The following BTBD7 variants were observed in gnomAD, a reference collection of about 807,000 sequenced individuals.
BTBD7 encodes BTB domain containing 7, also known as BTB/POZ domain-containing protein 7.
BTBD7 carries 38 observed loss-of-function variants against 99.9 expected under a neutral mutation model. That is an observed-to-expected ratio of 0.38 (90% CI 0.29 to 0.50). BTBD7 has a LOEUF of 0.50. Among genes scored for constraint, BTBD7 ranks in the 20% least tolerant of loss-of-function variants. BTBD7 has a pLI of 0.93. For missense variants in BTBD7, 1,170 were observed against 1,394.6 expected (o/e 0.84, Z 2.57); for synonymous variants, 520 against 511.4 (o/e 1.02, Z -0.23).
chr14:93,282,673 C>CTT (rs1457573723), intron 3 of BTBD7, among the ~76,000 whole-genome samples: 1 of 152,082 alleles, frequency 6.6e-6, no homozygotes, highest in Non-Finnish European at 1.5e-5. Flanking sequence ...TATCTCAACT[C>CTT]TGAGTTTGAA....
intron 1 of BTBD7, among the ~76,000 whole-genome samples, chr14:93,318,899 C>T (rs922362821): frequency 2.4e-4 from 36 of 152,278 alleles, no homozygotes; most frequent in Non-Finnish European, 4.3e-4. Flanking sequence ...TTAAAGAGTG[C>T]CTGGCTCATA....
At chr14:93,288,774 G>C in intron 3 of BTBD7, 1 of 1,582,690 alleles carries the variant, frequency 6.3e-7, no homozygotes, top group Non-Finnish European at 8.6e-7. Context: ...TTTCACTGTG[G>C]AAACCCAAAA....
At chr14:93,331,168 T>G (rs2053398060) in intron 1 of BTBD7, among the ~76,000 whole-genome samples, 1 of 152,212 alleles carries the variant, frequency 6.6e-6, no homozygotes, top group Admixed American at 6.5e-5. Flanking sequence ...GGCTCTCATT[T>G]TCGCTTTCAA....
chr14:93,253,680 A>G lies in BTBD7; in HGVS notation c.1719T>C (p.Pro573=). 6.2e-7 allele frequency: 1 copy of G among 1,611,992 alleles called. No individual in the cohort carries two copies. Among genetic ancestry groups the G allele is most frequent in the Non-Finnish European group, 8.5e-7 (1 of 1,178,378 alleles). The change falls in exon 7 of 11, where the codon CCT becomes CCC. Residue 573 remains proline, a synonymous_variant. Coordinates refer to ENST00000334746, the MANE Select transcript of BTBD7 (RefSeq NM_001002860.4). Reference sequence around the variant, plus strand: ...CTTCCACATAGGGAGAGAAGAGTCGAGGACGAACATAGATGCCAGCATTTT... The same window carrying G: ...CTTCCACATAGGGAGAGAAGAGTCGGGGACGAACATAGATGCCAGCATTTT... ...RQKNAGIYVR[P]RLFSPYVEEA...
chr14:93,303,509 C>G (rs568346241), intron 1 of BTBD7, among the ~76,000 whole-genome samples: 196 of 152,076 alleles, frequency 1.3e-3, no homozygotes, highest in African/African-American at 4.4e-3. Context: ...GAAACAGGAG[C>G]CTATCAAAAG....
intron 3 of BTBD7, among the ~76,000 whole-genome samples, chr14:93,267,693 C>T (rs2052556694): frequency 6.6e-6 from 1 of 152,218 alleles, no homozygotes; most frequent in Non-Finnish European, 1.5e-5. Flanking sequence ...TCACCAAAGG[C>T]AGAGATCTCA....
intron 3 of BTBD7, among the ~76,000 whole-genome samples, chr14:93,274,724 C>T (rs149766167): frequency 6.6e-6 from 1 of 152,286 alleles, no homozygotes; most frequent in African/African-American, 2.4e-5. Context: ...GCTTGCAAGT[C>T]CTTATACGAG....
chr14:93,318,268 G>A (rs1439674299), intron 1 of BTBD7, among the ~76,000 whole-genome samples: 1 of 152,102 alleles, frequency 6.6e-6, no homozygotes, highest in Non-Finnish European at 1.5e-5. Flanking sequence ...AAATCTGCAA[G>A]GAAATTACCA....
At position 93,257,188 on chromosome 14, in the gene BTBD7, C is replaced by T. The variant is rs1383716353; in HGVS notation, c.1608+7G>A. 3.1e-6 allele frequency: 5 copies of T among 1,609,490 alleles called. No individual in the cohort carries two copies. The highest frequency in any genetic ancestry group is 1.3e-5 in the African/African-American group (1 of 74,728). ...CATGAAAGGAATACATGGAGAAAAA[C>T]ACTTACTGCATCACTTAAGACTTCA... On this transcript the variant is annotated splice_region_variant and intron_variant, in intron 6 of 10. Coordinates refer to ENST00000334746, the MANE Select transcript of BTBD7 (RefSeq NM_001002860.4).
At chr14:93,301,146 G>A (rs964118440) in intron 1 of BTBD7, among the ~76,000 whole-genome samples, 1 of 151,930 alleles carries the variant, frequency 6.6e-6, no homozygotes, top group African/African-American at 2.4e-5. Flanking sequence ...CTTGAGGCCA[G>A]GAGTTAGAGA....
intron 1 of BTBD7, among the ~76,000 whole-genome samples, chr14:93,302,010 A>ATTTTTAAT (rs1393257774): frequency 6.6e-6 from 1 of 152,194 alleles, no homozygotes; most frequent in African/African-American, 2.4e-5. Flanking sequence ...GGCTGGGCAA[A>ATTTTTAAT]GCATGTGAGG....
At chr14:93,328,166 G>A (rs2053355083) in intron 1 of BTBD7, among the ~76,000 whole-genome samples, 2 of 152,152 alleles carry the variant, frequency 1.3e-5, no homozygotes, top group Admixed American at 1.3e-4. Flanking sequence ...CTGGAAGACA[G>A]TATTTAGATG....
intron 1 of BTBD7, among the ~76,000 whole-genome samples, chr14:93,330,377 T>C (rs1291735038): frequency 6.6e-6 from 1 of 152,140 alleles, no homozygotes; most frequent in East Asian, 1.9e-4. Flanking sequence ...ACTCTTGCTT[T>C]TTCCTCACAA....
chr14:93,293,236 C>T (rs1014477621), intron 3 of BTBD7, among the ~76,000 whole-genome samples: 5 of 152,112 alleles, frequency 3.3e-5, no homozygotes, highest in Non-Finnish European at 7.4e-5. Flanking sequence ...ACACAAAAAA[C>T]GTGCCGTCCT....
chr14:93,323,397 C>CA (rs2053291863), intron 1 of BTBD7, among the ~76,000 whole-genome samples: 1 of 152,156 alleles, frequency 6.6e-6, no homozygotes, highest in African/African-American at 2.4e-5. Flanking sequence ...AAGCATGTGA[C>CA]AGAACTATGA....
intron 3 of BTBD7, among the ~76,000 whole-genome samples, chr14:93,276,450 T>G (rs539230868): frequency 6.6e-6 from 1 of 152,280 alleles, no homozygotes; most frequent in South Asian, 2.1e-4. Context: ...TGGGGGACTC[T>G]TTACAGAATA....
intron 6 of BTBD7, chr14:93,256,403 G>A (rs2139693886): frequency 6.6e-6 from 1 of 151,474 alleles, no homozygotes; most frequent in South Asian, 2.1e-4. Context: ...TCCCATCCAT[G>A]AATTCAAGCA....
At chr14:93,280,685 G>C (rs538038298) in intron 3 of BTBD7, among the ~76,000 whole-genome samples, 1 of 152,208 alleles carries the variant, frequency 6.6e-6, no homozygotes, top group South Asian at 2.1e-4. Context: ...ATTTAGTAAG[G>C]CCAGCCCATG....
In BTBD7 at chr14:93,251,581, C is replaced by A; in HGVS notation, c.1824G>T (p.Val608=). 6.2e-7 allele frequency: 1 copy of A among 1,613,950 alleles called. No homozygotes were observed. Among genetic ancestry groups the A allele is most frequent in the Non-Finnish European group, 8.5e-7 (1 of 1,179,872 alleles). ...TATTGACCATGTAGAGCGTGTCTGG[C>A]ACATTGGACATTCTAACCATTCGCA... is the stretch of plus-strand genomic sequence containing the variant. ...VRLRMVRMSN[V]PDTLYMVNNA... The change falls in exon 8 of 11, where the codon GTG becomes GTT. Residue 608 remains valine, a synonymous_variant. Transcript: ENST00000334746.
Sources: gnomAD v4.1 joint callset for allele counts (sites outside exome capture counted in the v4.1 genomes callset) on GRCh38, gnomAD v4.1.1 for gene constraint, MANE v1.5 for transcripts, NCBI Gene and HGNC (gene_info 2026-07-23, HGNC 2026-07-21) for gene names.